HIVEP3: variants seen among roughly 807,000 people sequenced by gnomAD.
HIVEP3 encodes the protein HIVEP zinc finger 3.
HIVEP3 carries 49 observed loss-of-function variants against 152.8 expected under a neutral mutation model. The observed-to-expected ratio is 0.32, with a 90% CI of 0.26 to 0.41. HIVEP3 has a LOEUF of 0.41. HIVEP3 is among the 10% of genes least tolerant of loss of function. HIVEP3 has a pLI of 1.00. For missense variants in HIVEP3, 2,790 were observed against 3,103.3 expected (o/e 0.90, Z 2.40); for synonymous variants, 1,269 against 1,289.0 (o/e 0.98, Z 0.33).
At chr1:42,002,953 C>T (rs1645436753) in intron 1 of HIVEP3, among the ~76,000 whole-genome samples, 1 of 152,124 alleles carries the variant, frequency 6.6e-6, no homozygotes, top group African/African-American at 2.4e-5. Flanking sequence ...TAATATGAGA[C>T]TGTGAGTTTA....
chr1:41,550,955 G>A (rs1463936184), intron 5 of HIVEP3, among the ~76,000 whole-genome samples: 1 of 152,182 alleles, frequency 6.6e-6, no homozygotes, highest in Non-Finnish European at 1.5e-5. Flanking sequence ...TCTTGTGCCA[G>A]TTTTCAAAGG....
chr1:41,938,610 A>T (rs999975656), intron 1 of HIVEP3, among the ~76,000 whole-genome samples: 4 of 152,226 alleles, frequency 2.6e-5, no homozygotes, highest in African/African-American at 9.6e-5. Flanking sequence ...GAAGGATTTG[A>T]GCAGTTAGTG....
At chr1:41,605,373 GCGCA>G (rs1157114163) in intron 3 of HIVEP3, among the ~76,000 whole-genome samples, 3,879 of 106,726 alleles carry the variant, frequency 0.036, 64 homozygotes, top group Middle Eastern at 0.071. Context: ...ACACGCACAC[GCGCA>G]CACACACACA....
intron 1 of HIVEP3, among the ~76,000 whole-genome samples, chr1:41,980,424 A>G (rs1238057890): frequency 6.6e-6 from 1 of 152,236 alleles, no homozygotes; most frequent in East Asian, 1.9e-4. Flanking sequence ...TGTCAAAGGC[A>G]TTCTACTAAG....
At chr1:41,530,357 G>A (rs55836963) in intron 5 of HIVEP3, among the ~76,000 whole-genome samples, 6,813 of 152,276 alleles carry the variant, frequency 0.045, 219 homozygotes, top group Middle Eastern at 0.099. Context: ...CATCTGCCTC[G>A]ATGTGACAGC....
At chr1:41,738,735 A>G (rs710231) in intron 1 of HIVEP3, among the ~76,000 whole-genome samples, 79,304 of 151,986 alleles carry the variant, frequency 0.52, 23,404 homozygotes, top group African/African-American at 0.8. Flanking sequence ...TCCTTTCTCC[A>G]TGCCTTAGCT....
chr1:41,852,369 C>T (rs557877124), intron 1 of HIVEP3, among the ~76,000 whole-genome samples: 16 of 152,368 alleles, frequency 1.1e-4, no homozygotes, highest in African/African-American at 3.8e-4. Flanking sequence ...ACACCGTCAT[C>T]GGCCCTGAGC....
At chr1:41,659,283 C>G (rs895764153) in intron 2 of HIVEP3, among the ~76,000 whole-genome samples, 3 of 152,224 alleles carry the variant, frequency 2.0e-5, no homozygotes, top group African/African-American at 7.2e-5. Context: ...TCAGAGAACT[C>G]TCTGGGCCCC....
rs1644430328 is a variant in HIVEP3 at position 41,510,267 on chromosome 1, CA to C, written c.*183del. 1 of 427,910 alleles carries C rather than the reference CA, an allele frequency of 2.3e-6. No homozygotes were observed. Among genetic ancestry groups the C allele is most frequent in the Admixed American group, 4.3e-5 (1 of 23,430 alleles). 26.5% of individuals were successfully genotyped at this position (427,910 alleles called of 1,614,324 possible). A position where few individuals can be genotyped will look rare whatever the true frequency, so the allele number is the denominator to read the frequency against. On this transcript the variant is annotated 3_prime_UTR_variant, in exon 9 of 9. Transcript: ENST00000372583. Reference sequence around the variant, plus strand: ...GTGATTTGTTTTGTTTCTTTTTAAGCAACAAAAGGTGTAGAAAAAGGCACAG... The same window carrying C: ...GTGATTTGTTTTGTTTCTTTTTAAGCACAAAAGGTGTAGAAAAAGGCACAG...
intron 3 of HIVEP3, among the ~76,000 whole-genome samples, chr1:41,588,812 CA>C (rs1644543541): frequency 6.6e-6 from 1 of 152,146 alleles, no homozygotes; most frequent in African/African-American, 2.4e-5. Context: ...GTGGCTAGCC[CA>C]AGCCACACTG....
chr1:41,667,884 A>C (rs1021705447), intron 2 of HIVEP3, among the ~76,000 whole-genome samples: 1 of 152,158 alleles, frequency 6.6e-6, no homozygotes, highest in Admixed American at 6.5e-5. Flanking sequence ...CAAGCCCCCC[A>C]ACTCAAGCTC....
chr1:42,034,027 T>G (rs1296464136), intron 1 of HIVEP3, among the ~76,000 whole-genome samples: 1 of 152,224 alleles, frequency 6.6e-6, no homozygotes, highest in Non-Finnish European at 1.5e-5. Context: ...CTATCCTACC[T>G]CTAATGTAAC....
rs550141176 is a variant in HIVEP3, at chr1:41,569,112, G to A, written c.5207+6432C>T. Reference sequence around the variant, plus strand: ...GTTTCCTGAGGCCTCCCCAGAAGCCGAGCAGATGCCAGGAGCATGCTTCCT... The same window carrying A: ...GTTTCCTGAGGCCTCCCCAGAAGCCAAGCAGATGCCAGGAGCATGCTTCCT... On this transcript the variant is annotated intron_variant, in intron 5 of 8. Coordinates refer to ENST00000372583, the MANE Select transcript of HIVEP3 (RefSeq NM_024503.5). Among the ~76,000 whole-genome samples, 22 of 152,260 alleles carry A rather than the reference G, an allele frequency of 1.4e-4. No homozygotes were observed. The East Asian group carries it at 3.1e-3, about 21-fold the overall frequency.
Position 41,772,836 on chromosome 1 carries a change from G to C in HIVEP3, c.-800-71841C>G, listed in dbSNP as rs551200562. On this transcript the variant is annotated intron_variant, in intron 1 of 8. Transcript: ENST00000372583. The stretch of plus-strand genomic sequence containing the variant: ...GAGGTAGGAGAATCGCTTGAACCTG[G>C]GACAGGTTGCAGTGAGCCGAGATAG... 3.7e-4 allele frequency among the ~76,000 whole-genome samples: 56 copies of C among 152,266 alleles called. 1 individual carries two copies. The highest frequency in any genetic ancestry group is 1.2e-3 in the African/African-American group (51 of 41,544).
intron 1 of HIVEP3, among the ~76,000 whole-genome samples, chr1:41,792,304 C>T (rs1420305427): frequency 6.6e-6 from 1 of 152,190 alleles, no homozygotes; most frequent in Admixed American, 6.5e-5. Flanking sequence ...AGGATGGGGG[C>T]TCCTGCAGGG....
At chr1:41,995,296 C>A (rs186526368) in intron 1 of HIVEP3, among the ~76,000 whole-genome samples, 242 of 152,192 alleles carry the variant, frequency 1.6e-3, no homozygotes, top group Non-Finnish European at 1.5e-3. Flanking sequence ...TTAAGATTAC[C>A]TTCAAAGAGT....
intron 1 of HIVEP3, among the ~76,000 whole-genome samples, chr1:41,738,262 G>A (rs1251338452): frequency 4.6e-5 from 7 of 152,158 alleles, no homozygotes; most frequent in African/African-American, 1.7e-4. Flanking sequence ...CCAAGCCCTT[G>A]TACTGCGCAG....
At position 41,939,722 on chromosome 1, in the gene HIVEP3, T is replaced by A. The variant is rs575630957; in HGVS notation, n.120-21198A>T. Among the ~76,000 whole-genome samples, 4 of 152,274 alleles carry A rather than the reference T, an allele frequency of 2.6e-5. No individual in the cohort carries two copies. In the South Asian group the frequency reaches 8.3e-4, roughly 32 times the overall value. On this transcript the variant is annotated intron_variant and non_coding_transcript_variant, in intron 1 of 3. Transcript: ENST00000489103. ...AACTAGCAGCCCTTTATTTATTACA[T>A]AAATACAAAGATTTTATAGCTGGAA... is the stretch of plus-strand genomic sequence containing the variant.
At position 41,701,081 on chromosome 1, in the gene HIVEP3, T is replaced by C; in HGVS notation, c.-800-86A>G. On this transcript the variant is annotated intron_variant, in intron 1 of 8. Transcript: ENST00000372583. ...GTTTGAAAAAGGCACCCAAAAATGG[T>C]GAGCACAGCCTTGCTGAAAGCAAAG... 10 of 516,396 alleles carry C rather than the reference T, an allele frequency of 1.9e-5. 1 individual carries two copies. The highest frequency in any genetic ancestry group is 2.5e-5 in the Non-Finnish European group (10 of 401,232). The allele number at this position is 516,396 out of a possible 1,614,324, so 32.0% of individuals were successfully genotyped here. A position where few individuals can be genotyped will look rare whatever the true frequency, so the allele number is the denominator to read the frequency against.
Sources: allele counts gnomAD v4.1 joint callset (sites outside exome capture counted in the v4.1 genomes callset), GRCh38; gene constraint gnomAD v4.1.1; transcripts MANE v1.5; gene names NCBI Gene and HGNC (gene_info 2026-07-23, HGNC 2026-07-21).